The following UTP18 variants were observed in gnomAD, a reference collection of about 807,000 sequenced individuals.
The protein encoded by UTP18 is U3 small nucleolar RNA-associated protein 18 homolog.
Under a neutral mutation model 61.1 loss-of-function variants are expected in UTP18, and 36 were observed. The ratio of observed to expected loss-of-function variants is 0.59; its 90% CI spans 0.45 to 0.78. The LOEUF is 0.78. Among genes scored for constraint, UTP18 ranks in the 30% least tolerant of loss-of-function variants. UTP18 has a pLI of 0.00. For synonymous variants in UTP18, 282 were observed against 251.1 expected, an observed-to-expected ratio of 1.12 and a Z score of -1.16; for missense variants, 753 against 693.9, an observed-to-expected ratio of 1.09 and a Z score of -0.96.
chr17:51,286,978 T>TCCCCCCCC (rs11397806), intron 10 of UTP18, among the ~76,000 whole-genome samples: 11 of 123,454 alleles, frequency 8.9e-5, no homozygotes, highest in South Asian at 2.7e-4. Flanking sequence ...CCCTCCCCCT[T>TCCCCCCCC]CCCCCCCCGA....
intron 9 of UTP18, 80 bp downstream of exon 9, chr17:51,280,559 A>G (rs1381422295): frequency 7.3e-7 from 1 of 1,365,262 alleles, no homozygotes; most frequent in Non-Finnish European, 1.0e-6. Flanking sequence ...CACGTGTGTA[A>G]TCCCACCACT....
intron 11 of UTP18, among the ~76,000 whole-genome samples, chr17:51,291,415 G>A (rs569705118): frequency 2.0e-5 from 3 of 151,934 alleles, no homozygotes; most frequent in East Asian, 1.9e-4. Context: ...TCCTTTTCCC[G>A]ATATTCCAAG....
At chr17:51,268,011 T>G (rs1156822578) in intron 3 of UTP18, among the ~76,000 whole-genome samples, 2 of 147,700 alleles carry the variant, frequency 1.4e-5, no homozygotes, top group Non-Finnish European at 3.0e-5. Context: ...TTTTTTGTTT[T>G]TTGTTTTTTT....
At chr17:51,275,784 T>G in intron 5 of UTP18, 82 bp from the exon 6 acceptor site, 1 of 1,279,532 alleles carries the variant, frequency 7.8e-7, no homozygotes, top group East Asian at 3.1e-5. Flanking sequence ...CATTATAAAC[T>G]GTAATGTCTT....
chr17:51,260,632 A>C lies in UTP18; in HGVS notation c.48A>C (p.Gly16=), dbSNP rs117093534. The change falls in exon 1 of 14, where the codon GGA becomes GGC. Residue 16 remains glycine (G), a synonymous_variant. Transcript: ENST00000225298. ...RRRMKLDRRT[G]AKPKRKPGMR... ...GAATGAAACTGGACCGGAGAACCGG[A>C]GCGAAGCCGAAGCGGAAGCCCGGAA... 55 of 1,612,482 alleles carry C rather than the reference A, an allele frequency of 3.4e-5. No homozygotes were observed. The Middle Eastern group carries it at 8.3e-4, about 24-fold the overall frequency.
Position 51,288,093 on chromosome 17 carries a change from C to A in UTP18, c.1393C>A (p.Pro465Thr), listed in dbSNP as rs1401793007. 6.2e-7 allele frequency: 1 copy of A among 1,609,752 alleles called. No individual in the cohort carries two copies. Among genetic ancestry groups the A allele is most frequent in the Admixed American group, 1.7e-5 (1 of 59,096 alleles). The stretch of plus-strand genomic sequence containing the variant: ...TTGTCTCCAAGAAACAAACCCAAAG[C>A]CAATAAAAGCTATAATGAACTTGGT... ...DSCLQETNPK[P>T]IKAIMNLVTG... The change falls in exon 11 of 14, where the codon CCA becomes ACA. Residue 465 changes from proline (P) to threonine (T), a missense_variant. Physicochemically the swap from Pro to Thr is conservative, Grantham distance 38. Transcript: ENST00000225298.
intron 4 of UTP18, among the ~76,000 whole-genome samples, chr17:51,269,461 G>GTTACA (rs1386973158): frequency 1.3e-5 from 2 of 152,152 alleles, no homozygotes; most frequent in Middle Eastern, 3.4e-3. Context: ...TGTGCTTGGA[G>GTTACA]TTACATGTTT....
chr17:51,296,816 G>T, intron 12 of UTP18, 149 bp from the exon 13 acceptor site: 1 of 645,946 alleles, frequency 1.5e-6, no homozygotes, highest in East Asian at 3.0e-5. Context: ...ATGTCAGATT[G>T]AGGAGTCTGA....
intron 3 of UTP18, among the ~76,000 whole-genome samples, chr17:51,266,813 C>T (rs2055566355): frequency 1.3e-5 from 2 of 152,082 alleles, no homozygotes; most frequent in Admixed American, 1.3e-4. Context: ...TTAGTTTCTC[C>T]AATTGTTGTA....
At chr17:51,288,669 T>A in intron 11 of UTP18, 1 of 453,078 alleles carries the variant, frequency 2.2e-6, no homozygotes, top group Non-Finnish European at 4.4e-6. Context: ...AATATACCCT[T>A]TGTGTTAGGA....
rs376401119 is a variant in UTP18 at position 51,274,519 on chromosome 17, G to A, written c.711+1069G>A. Reference sequence around the variant, plus strand: ...TGCAAGGGCGTGATCTCGGCTCACTGCAACCTCCGCCTCCCGGGTTCAAGC... The same window carrying A: ...TGCAAGGGCGTGATCTCGGCTCACTACAACCTCCGCCTCCCGGGTTCAAGC... On this transcript the variant is annotated intron_variant, in intron 5 of 13. Coordinates refer to ENST00000225298, the MANE Select transcript of UTP18 (RefSeq NM_016001.3). Among the ~76,000 whole-genome samples, 4 of 152,038 alleles carry A rather than the reference G, an allele frequency of 2.6e-5. No homozygotes were observed. The South Asian group carries it at 8.3e-4, about 32-fold the overall frequency.
chr17:51,276,385 A>G lies in UTP18; in HGVS notation c.837+394A>G, dbSNP rs182506459. On this transcript the variant is annotated intron_variant, in intron 6 of 13. Transcript: ENST00000225298. ...TAAAATTTTTCTTCCACTGAATATA[A>G]AAGTTCAGTAAAATAGTGGTTTAAA... is the stretch of plus-strand genomic sequence containing the variant. Among the ~76,000 whole-genome samples the G allele has an allele frequency of 2.0e-5, 3 of 152,362 alleles. No homozygotes were observed. The East Asian group carries it at 5.8e-4, about 29-fold the overall frequency.
chr17:51,292,834 C>T (rs927670695), intron 11 of UTP18, among the ~76,000 whole-genome samples: 4 of 152,176 alleles, frequency 2.6e-5, no homozygotes, highest in African/African-American at 4.8e-5. Flanking sequence ...CTCATACTTA[C>T]GTCTGGCTTT....
At chr17:51,269,294 C>CAAAAAAAAAAAAA (rs58681434) in intron 4 of UTP18, among the ~76,000 whole-genome samples, 1 of 66,652 alleles carries the variant, frequency 1.5e-5, no homozygotes, top group Non-Finnish European at 2.5e-5. Context: ...GACTCTGTCT[C>CAAAAAAAAAAAAA]AAAAAAAAAA....
intron 9 of UTP18, among the ~76,000 whole-genome samples, chr17:51,283,158 C>T (rs1256630638): frequency 2.7e-5 from 4 of 148,536 alleles, no homozygotes; most frequent in African/African-American, 7.5e-5. Context: ...CGTGAGCCAC[C>T]GCGCCCAGCC....
At position 51,288,597 on chromosome 17, in the gene UTP18, T is replaced by A. The variant is rs955715704; in HGVS notation, c.1503+394T>A. The stretch of plus-strand genomic sequence containing the variant: ...GCAATTCTCGGGTTTTGAAAGTAAG[T>A]TGAACTTGAAAATTAAATTGTATAA... On this transcript the variant is annotated intron_variant, in intron 11 of 13. Coordinates refer to ENST00000225298, the MANE Select transcript of UTP18 (RefSeq NM_016001.3). 5 of 456,676 alleles carry A rather than the reference T, an allele frequency of 1.1e-5. 1 individual carries two copies. The highest frequency in any genetic ancestry group is 6.0e-5 in the African/African-American group (3 of 50,108). The allele number at this position is 456,676 out of a possible 1,614,324, so 28.3% of individuals were successfully genotyped here. A position where few individuals can be genotyped will look rare whatever the true frequency, so the allele number is the denominator to read the frequency against.
At chr17:51,277,072 T>C in intron 6 of UTP18, 58 bp from the exon 7 acceptor site, 1 of 1,547,996 alleles carries the variant, frequency 6.5e-7, no homozygotes, top group Non-Finnish European at 8.8e-7. Context: ...AAGTATATAC[T>C]ACCAGGATAC....
intron 4 of UTP18, 62 bp from the exon 5 acceptor site, chr17:51,273,300 G>A: frequency 8.1e-7 from 1 of 1,238,450 alleles, no homozygotes; most frequent in Non-Finnish European, 1.1e-6. Context: ...AGAAGTTTGG[G>A]GTAGGTAAAA....
chr17:51,275,938 G>A lies in UTP18; in HGVS notation c.784G>A (p.Gly262Ser), dbSNP rs201600029. The change falls in exon 6 of 14, where the codon GGT becomes AGT. Residue 262 changes from glycine (G) to serine (S), a missense_variant. Coordinates refer to ENST00000225298, the MANE Select transcript of UTP18 (RefSeq NM_016001.3). Reference protein sequence around the residue: ...ARISSVQFHPGAQIVMVAGLD... With the variant: ...ARISSVQFHPSAQIVMVAGLD... ...GATCTCATCTGTGCAGTTCCATCCC[G>A]GTGCACAGATTGTGATGGTTGCTGG... 41 of 1,612,672 alleles carry A rather than the reference G, an allele frequency of 2.5e-5. No individual in the cohort carries two copies. In the Middle Eastern group the frequency reaches 8.2e-4, roughly 32 times the overall value.
Sources: gnomAD v4.1 joint callset for allele counts (sites outside exome capture counted in the v4.1 genomes callset) on GRCh38, gnomAD v4.1.1 for gene constraint, MANE v1.5 for transcripts, NCBI Gene and HGNC (gene_info 2026-07-23, HGNC 2026-07-21) for gene names.